The following PABPC4L variants were observed in gnomAD, a reference collection of about 807,000 sequenced individuals.
The protein encoded by PABPC4L is poly(A) binding protein cytoplasmic 4 like.
For synonymous variants in PABPC4L, 169 were observed against 164.1 expected, an observed-to-expected ratio of 1.03 and a Z score of -0.23; for missense variants, 452 against 451.4, an observed-to-expected ratio of 1.00 and a Z score of -0.01.
the PABPC4L span, among the ~76,000 whole-genome samples, chr4:134,149,116 C>G: frequency 1.2e-4 from 18 of 152,136 alleles, no homozygotes; most frequent in Middle Eastern, 3.4e-3. Context: ...ACTGCTTGTT[C>G]CAAAGCACTG....
chr4:134,117,848 C>T, the PABPC4L span, among the ~76,000 whole-genome samples: 41 of 151,838 alleles, frequency 2.7e-4, no homozygotes, highest in Admixed American at 2.4e-3. Context: ...GATCCCTGCA[C>T]ATTCTTGCTG....
chr4:134,166,448 G>A, the PABPC4L span, among the ~76,000 whole-genome samples: 1 of 152,160 alleles, frequency 6.6e-6, no homozygotes, highest in African/African-American at 2.4e-5. Context: ...ATGCCCCTAA[G>A]CCTGCAGAGG....
At chr4:134,028,514 A>T in the PABPC4L span, among the ~76,000 whole-genome samples, 1 of 151,510 alleles carries the variant, frequency 6.6e-6, no homozygotes, top group East Asian at 1.9e-4. Context: ...TTTTCATGGG[A>T]ATCCTAGCTG....
chr4:134,031,398 C>A, the PABPC4L span, among the ~76,000 whole-genome samples: 1 of 151,794 alleles, frequency 6.6e-6, no homozygotes, highest in Non-Finnish European at 1.5e-5. Flanking sequence ...TTCATGAGAG[C>A]AAAATTTTCA....
Position 134,201,167 on chromosome 4 carries a change from C to T in PABPC4L, c.-148G>A, listed in dbSNP as rs1250954209. 5 of 1,548,950 alleles carry T rather than the reference C, an allele frequency of 3.2e-6. No homozygotes were observed. The highest frequency in any genetic ancestry group is 4.4e-6 in the Non-Finnish European group (5 of 1,146,228). On this transcript the variant is annotated 5_prime_UTR_variant, in exon 2 of 2. Transcript: ENST00000421491. ...GCCAAGCAATGGAGTTCAGACACGA[C>T]TCCCCCAGCTCAGGCAACACCCTCA...
the PABPC4L span, among the ~76,000 whole-genome samples, chr4:134,134,562 T>A: frequency 6.6e-6 from 1 of 151,634 alleles, no homozygotes; most frequent in Admixed American, 6.6e-5. Flanking sequence ...TTTAGATAAC[T>A]AAAACAGAGA....
the PABPC4L span, among the ~76,000 whole-genome samples, chr4:134,186,836 A>C: frequency 6.6e-6 from 1 of 152,300 alleles, no homozygotes; most frequent in African/African-American, 2.4e-5. Context: ...GAACTTAAAC[A>C]AATTTACATG....
At chr4:134,017,109 C>T in the PABPC4L span, among the ~76,000 whole-genome samples, 2 of 152,044 alleles carry the variant, frequency 1.3e-5, no homozygotes, top group Admixed American at 1.3e-4. Context: ...TCAAATCAGC[C>T]AAGCATTTTT....
the PABPC4L span, among the ~76,000 whole-genome samples, chr4:134,019,003 C>T: frequency 3.3e-5 from 5 of 151,920 alleles, no homozygotes; most frequent in Admixed American, 2.6e-4. Context: ...GTCATTGGTG[C>T]TATAAAGGAA....
At chr4:134,179,202 C>T in the PABPC4L span, among the ~76,000 whole-genome samples, 5 of 151,882 alleles carry the variant, frequency 3.3e-5, no homozygotes, top group African/African-American at 1.2e-4. Flanking sequence ...GCAGACCTGT[C>T]AACAGAAACT....
chr4:134,088,282 C>T, the PABPC4L span, among the ~76,000 whole-genome samples: 2 of 152,048 alleles, frequency 1.3e-5, no homozygotes, highest in Non-Finnish European at 2.9e-5. Context: ...TCTCCAGTTT[C>T]AATTTTTCCT....
At chr4:133,951,884 C>T in the PABPC4L span, among the ~76,000 whole-genome samples, 7 of 152,052 alleles carry the variant, frequency 4.6e-5, no homozygotes, top group Non-Finnish European at 8.8e-5. Flanking sequence ...ATGAGTTAAA[C>T]CTGAAATTTT....
the PABPC4L span, among the ~76,000 whole-genome samples, chr4:134,026,173 GGTGA>G: frequency 1.3e-5 from 2 of 151,920 alleles, no homozygotes; most frequent in East Asian, 1.9e-4. Flanking sequence ...TTTAAAAAAG[GGTGA>G]GTGAGTGAAG....
the PABPC4L span, among the ~76,000 whole-genome samples, chr4:134,130,260 T>C: frequency 6.6e-6 from 1 of 151,888 alleles, no homozygotes; most frequent in African/African-American, 2.4e-5. Context: ...TTTGAAAAAT[T>C]AATTAAAATT....
chr4:133,980,465 A>G, the PABPC4L span, among the ~76,000 whole-genome samples: 1 of 152,300 alleles, frequency 6.6e-6, no homozygotes, highest in South Asian at 2.1e-4. Context: ...TTTGTTTAGT[A>G]TAAGCTTGAG....
At chr4:134,133,819 G>C in the PABPC4L span, among the ~76,000 whole-genome samples, 1 of 151,842 alleles carries the variant, frequency 6.6e-6, no homozygotes, top group African/African-American at 2.4e-5. Context: ...AAAACCTATT[G>C]AAATTATTTT....
At chr4:134,064,519 G>A in the PABPC4L span, among the ~76,000 whole-genome samples, 2 of 151,990 alleles carry the variant, frequency 1.3e-5, no homozygotes, top group African/African-American at 2.4e-5. Context: ...TCTTTATAAA[G>A]TCTGCCTCTC....
the PABPC4L span, among the ~76,000 whole-genome samples, chr4:134,012,068 C>T: frequency 6.6e-6 from 1 of 152,062 alleles, no homozygotes; most frequent in Non-Finnish European, 1.5e-5. Flanking sequence ...CTCTTTTGGG[C>T]TTTAGAGTCT....
At position 134,196,946 on chromosome 4, in the gene PABPC4L, A is replaced by C. The variant is rs890247263; in HGVS notation, c.*2961T>G. The C allele has an allele frequency of 1.3e-5, 2 of 151,722 alleles. No individual in the cohort carries two copies. The highest frequency in any genetic ancestry group is 6.6e-5 in the Admixed American group (1 of 15,226). 9.4% of individuals were successfully genotyped at this position (151,722 alleles called of 1,614,324 possible). On this transcript the variant is annotated 3_prime_UTR_variant, in exon 2 of 2. Coordinates refer to ENST00000421491, the MANE Select transcript of PABPC4L (RefSeq NM_001114734.2). ...GTCCTATTAACTACTTACATACATG[A>C]AAGAACTCTGTTTCCTGATATTATC...
Sources: allele counts gnomAD v4.1 joint callset (sites outside exome capture counted in the v4.1 genomes callset), GRCh38; gene constraint gnomAD v4.1.1; transcripts MANE v1.5; gene names NCBI Gene and HGNC (gene_info 2026-07-23, HGNC 2026-07-21).